The following CSMD1 variants were observed in gnomAD, a reference collection of about 807,000 sequenced individuals.
CSMD1 encodes CUB and sushi domain-containing protein 1.
CSMD1 carries 213 observed loss-of-function variants against 417.5 expected under a neutral mutation model. The observed-to-expected ratio is 0.51, with a 90% CI of 0.46 to 0.57. The LOEUF is 0.57. Ranked by LOEUF, CSMD1 falls within the 20% of genes least tolerant of loss-of-function variation. The pLI, the probability that CSMD1 is intolerant of heterozygous loss-of-function variation, is 0.00. For synonymous variants in CSMD1, 2,862 were observed against 1,736.8 expected, an observed-to-expected ratio of 1.65 and a Z score of -16.11; for missense variants, 6,923 against 4,529.7, an observed-to-expected ratio of 1.53 and a Z score of -15.17.
intron 3 of CSMD1, among the ~76,000 whole-genome samples, chr8:4,058,261 G>C (rs1244681575): frequency 1.3e-5 from 2 of 152,042 alleles, no homozygotes; most frequent in Admixed American, 6.6e-5. Flanking sequence ...TCCCTTGTAA[G>C]TTGGATTCCT....
At chr8:3,519,205 G>C (rs961456623) in intron 10 of CSMD1, among the ~76,000 whole-genome samples, 1 of 152,016 alleles carries the variant, frequency 6.6e-6, no homozygotes, top group Non-Finnish European at 1.5e-5. Context: ...ATCACTGAAG[G>C]GCAAAATTAC....
chr8:3,728,702 C>A (rs1217969166), intron 6 of CSMD1, among the ~76,000 whole-genome samples: 2 of 151,898 alleles, frequency 1.3e-5, no homozygotes, highest in African/African-American at 4.8e-5. Context: ...TGTAATCTTG[C>A]AAATGATGCA....
intron 46 of CSMD1, among the ~76,000 whole-genome samples, chr8:3,099,040 C>G (rs760303880): frequency 1.3e-5 from 2 of 152,036 alleles, no homozygotes; most frequent in African/African-American, 2.4e-5. Flanking sequence ...CCAAACCCCT[C>G]TGTACTGCCC....
At chr8:3,653,643 C>A (rs1265031848) in intron 7 of CSMD1, among the ~76,000 whole-genome samples, 5 of 152,084 alleles carry the variant, frequency 3.3e-5, no homozygotes, top group African/African-American at 9.7e-5. Flanking sequence ...CTCCTTTAGG[C>A]CACGAAGCCT....
intron 3 of CSMD1, among the ~76,000 whole-genome samples, chr8:4,212,749 TTC>T (rs1181216838): frequency 8.6e-4 from 82 of 94,992 alleles, no homozygotes; most frequent in Admixed American, 3.5e-3. Context: ...AGCGGCCTTA[TTC>T]TTTTTTTTTT....
At chr8:4,818,714 G>C (rs1327004059) in intron 1 of CSMD1, among the ~76,000 whole-genome samples, 1 of 152,164 alleles carries the variant, frequency 6.6e-6, no homozygotes, top group Non-Finnish European at 1.5e-5. Context: ...TCATCATGTA[G>C]CACAGAAAGT....
intron 5 of CSMD1, among the ~76,000 whole-genome samples, chr8:3,940,221 AACAGAGAAGTTAATTTTGCCT>A (rs1810784353): frequency 6.6e-6 from 1 of 152,092 alleles, no homozygotes; most frequent in Non-Finnish European, 1.5e-5. Context: ...ACCACCAAAA[AACAGAGAAGTTAATTTTGCCT>A]ACAGAAGAAA....
intron 3 of CSMD1, among the ~76,000 whole-genome samples, chr8:4,077,298 T>TAC (rs1563092779): frequency 0.012 from 387 of 33,242 alleles, 4 homozygotes; most frequent in African/African-American, 0.03. Flanking sequence ...TATATATGTG[T>TAC]ATATATATAT....
intron 3 of CSMD1, among the ~76,000 whole-genome samples, chr8:4,102,943 G>C (rs562238689): frequency 6.6e-6 from 1 of 152,208 alleles, no homozygotes; most frequent in African/African-American, 2.4e-5. Flanking sequence ...AAAAATAAGT[G>C]ACAAATTCCC....
chr8:3,359,958 G>A (rs1053539334), intron 20 of CSMD1, among the ~76,000 whole-genome samples: 4 of 152,138 alleles, frequency 2.6e-5, no homozygotes, highest in Non-Finnish European at 2.9e-5. Flanking sequence ...TGAGAGTGTG[G>A]AATAATTTTA....
At chr8:3,509,905 C>T (rs934598321) in intron 10 of CSMD1, among the ~76,000 whole-genome samples, 26 of 152,224 alleles carry the variant, frequency 1.7e-4, no homozygotes, top group East Asian at 1.9e-4. Context: ...CCCAGTGAAG[C>T]GATGAGGGCA....
intron 3 of CSMD1, among the ~76,000 whole-genome samples, chr8:4,040,983 G>C (rs943798163): frequency 4.8e-5 from 7 of 146,610 alleles, no homozygotes; most frequent in African/African-American, 1.5e-4. Flanking sequence ...TCCTCACGTG[G>C]TCCTATATTT....
intron 69 of CSMD1, among the ~76,000 whole-genome samples, 167 bp downstream of exon 69, chr8:2,942,305 G>A (rs1415073552): frequency 2.6e-5 from 4 of 151,344 alleles, no homozygotes; most frequent in East Asian, 1.9e-4. Flanking sequence ...CTGCACATCC[G>A]GCACGTGTAC....
intron 1 of CSMD1, among the ~76,000 whole-genome samples, chr8:4,781,249 T>G (rs1020159013): frequency 2.0e-5 from 3 of 152,208 alleles, no homozygotes; most frequent in African/African-American, 4.8e-5. Context: ...CTAAGCATGA[T>G]GAGGGAATGC....
intron 2 of CSMD1, among the ~76,000 whole-genome samples, chr8:4,538,897 A>G (rs529227943): frequency 6.6e-6 from 1 of 152,290 alleles, no homozygotes; most frequent in South Asian, 2.1e-4. Context: ...TTCCCCTTTT[A>G]TGGAATCTTT....
intron 12 of CSMD1, among the ~76,000 whole-genome samples, chr8:3,430,104 C>A (rs889122828): frequency 8.6e-5 from 13 of 152,040 alleles, no homozygotes; most frequent in Non-Finnish European, 1.5e-4. Context: ...TACACACATG[C>A]ACATATACAT....
At chr8:4,079,592 G>C (rs913112241) in intron 3 of CSMD1, among the ~76,000 whole-genome samples, 1 of 152,144 alleles carries the variant, frequency 6.6e-6, no homozygotes, top group African/African-American at 2.4e-5. Context: ...CACTTTATTA[G>C]GGAAAGCATT....
chr8:3,551,498 T>C (rs1798909657), intron 10 of CSMD1, among the ~76,000 whole-genome samples: 3 of 151,774 alleles, frequency 2.0e-5, no homozygotes, highest in South Asian at 2.1e-4. Flanking sequence ...TTGTGACTGT[T>C]TGATAAGACC....
Position 3,578,368 on chromosome 8 carries a change from C to T in CSMD1, c.1223-3302G>A, listed in dbSNP as rs112822971. Among the ~76,000 whole-genome samples, 1,244 of 151,890 alleles carry T rather than the reference C, an allele frequency of 8.2e-3. 21 individuals carry two copies. Among genetic ancestry groups the T allele is most frequent in the African/African-American group, 0.028 (1,170 of 41,456 alleles). On this transcript the variant is annotated intron_variant, in intron 9 of 69. Transcript: ENST00000635120. ...CTGTTAGGGATGCCTGCTGTCCTCCCTTAGAAATCCTCTAGTTAGACGGGA... is the reference window on the plus strand; with the variant it reads ...CTGTTAGGGATGCCTGCTGTCCTCCTTTAGAAATCCTCTAGTTAGACGGGA...
Sources: gnomAD v4.1 joint callset for allele counts (sites outside exome capture counted in the v4.1 genomes callset) on GRCh38, gnomAD v4.1.1 for gene constraint, MANE v1.5 for transcripts, NCBI Gene and HGNC (gene_info 2026-07-23, HGNC 2026-07-21) for gene names.